The following CHRNA5 variants were observed in gnomAD, a reference collection of about 807,000 sequenced individuals.
CHRNA5 encodes neuronal acetylcholine receptor subunit alpha-5.
Under a neutral mutation model 41.2 loss-of-function variants are expected in CHRNA5, and 28 were observed. The observed-to-expected ratio is 0.68, with a 90% CI of 0.50 to 0.93. The LOEUF is 0.93. CHRNA5 is among the 40% of genes least tolerant of loss of function. The pLI is 0.00. For synonymous variants in CHRNA5, 188 were observed against 205.8 expected, an observed-to-expected ratio of 0.91 and a Z score of 0.74; for missense variants, 481 against 581.9, an observed-to-expected ratio of 0.83 and a Z score of 1.78.
At chr15:78,587,757 C>T (rs960099791) in intron 3 of CHRNA5, among the ~76,000 whole-genome samples, 7 of 152,028 alleles carry the variant, frequency 4.6e-5, no homozygotes, top group Non-Finnish European at 1.0e-4. Context: ...TGAGCGCTTC[C>T]TTTTGTTTTT....
chr15:78,590,507 G>A (rs781009027), exon 5 of CHRNA5: 1 of 1,614,152 alleles, frequency 6.2e-7, no homozygotes, highest in Non-Finnish European at 8.5e-7. Context: ...ATGTAGACAG[G>A]TACTTCACTC....
intron 5 of CHRNA5, among the ~76,000 whole-genome samples, chr15:78,592,576 A>G (rs2053028440): frequency 6.6e-6 from 1 of 152,134 alleles, no homozygotes. Flanking sequence ...TCCAGGGAAG[A>G]CTGTTCTGTG....
chr15:78,573,524 G>A (rs1423573358), intron 1 of CHRNA5, among the ~76,000 whole-genome samples: 1 of 152,210 alleles, frequency 6.6e-6, no homozygotes, highest in African/African-American at 2.4e-5. Flanking sequence ...GGCATTTGTT[G>A]AATTAACGAA....
At chr15:78,567,145 C>A (rs1382052329) in intron 1 of CHRNA5, among the ~76,000 whole-genome samples, 1 of 151,066 alleles carries the variant, frequency 6.6e-6, no homozygotes, top group Admixed American at 6.6e-5. Flanking sequence ...CCCAGCTACT[C>A]GGGAGGCTGA....
chr15:78,565,740 G>T, exon 1 of CHRNA5: 3 of 1,193,224 alleles, frequency 2.5e-6, no homozygotes, highest in South Asian at 4.2e-5. Flanking sequence ...GGGGGTCAGG[G>T]CCCCGCGCGC....
chr15:78,584,273 T>G (rs1329129386), intron 2 of CHRNA5, among the ~76,000 whole-genome samples: 1 of 152,244 alleles, frequency 6.6e-6, no homozygotes, highest in Non-Finnish European at 1.5e-5. Flanking sequence ...TGTCTTTTTT[T>G]TGTTTTTAAA....
At chr15:78,584,614 G>A (rs115136622) in intron 2 of CHRNA5, among the ~76,000 whole-genome samples, 1,658 of 152,310 alleles carry the variant, frequency 0.011, 45 homozygotes, top group African/African-American at 0.037. Context: ...ATTGTTGAAA[G>A]TGCTAAGTAT....
rs560552949 is a variant in CHRNA5 at position 78,567,089 on chromosome 15, A to G, written c.106+1264A>G. Among the ~76,000 whole-genome samples the G allele has an allele frequency of 3.9e-5, 6 of 151,998 alleles. No individual in the cohort carries two copies. In the South Asian group the frequency reaches 8.3e-4, roughly 21 times the overall value. The stretch of plus-strand genomic sequence containing the variant: ...AACACAGTGAAACCCCGTCTCTACT[A>G]AAAATACAAAAAAATTAGCCGGGCG... On this transcript the variant is annotated intron_variant, in intron 1 of 5. Transcript: ENST00000299565.
chr15:78,574,401 C>A, intron 1 of CHRNA5, among the ~76,000 whole-genome samples: 1 of 149,366 alleles, frequency 6.7e-6, no homozygotes. Context: ...AAAAAAAATC[C>A]TCAGGTATCT....
chr15:78,576,084 G>T (rs542036061), intron 1 of CHRNA5, among the ~76,000 whole-genome samples: 1 of 152,138 alleles, frequency 6.6e-6, no homozygotes, highest in Non-Finnish European at 1.5e-5. Flanking sequence ...TCTCTGGGTT[G>T]TATATCCTTT....
intron 2 of CHRNA5, among the ~76,000 whole-genome samples, chr15:78,581,472 C>G (rs976843729): frequency 2.6e-5 from 4 of 152,180 alleles, no homozygotes; most frequent in Admixed American, 1.3e-4. Context: ...GAGATCCTAT[C>G]TATTTAAACT....
chr15:78,573,963 ATTTTTTT>A (rs979485573), intron 1 of CHRNA5, among the ~76,000 whole-genome samples: 49 of 102,068 alleles, frequency 4.8e-4, no homozygotes, highest in Middle Eastern at 6.4e-3. Context: ...CGCCTGGCTA[ATTTTTTT>A]TTTTTTTTTT....
At chr15:78,594,477 G>C (rs998815470) in exon 6 of CHRNA5, 1 of 152,178 alleles carries the variant, frequency 6.6e-6, no homozygotes, top group Non-Finnish European at 1.5e-5. Flanking sequence ...AGGAGTTCGA[G>C]ACTAGCCTGA....
intron 1 of CHRNA5, among the ~76,000 whole-genome samples, chr15:78,567,663 C>G (rs2141393540): frequency 6.6e-6 from 1 of 152,302 alleles, no homozygotes; most frequent in African/African-American, 2.4e-5. Flanking sequence ...TCGCCAACAC[C>G]TGCCTTAATG....
intron 2 of CHRNA5, among the ~76,000 whole-genome samples, chr15:78,586,380 T>C (rs1317026381): frequency 6.6e-6 from 1 of 152,186 alleles, no homozygotes; most frequent in Non-Finnish European, 1.5e-5. Flanking sequence ...TGAGGAAATA[T>C]AGTAGTTGAG....
chr15:78,574,380 CAAAAA>C (rs61655864), intron 1 of CHRNA5, among the ~76,000 whole-genome samples: 2 of 123,282 alleles, frequency 1.6e-5, no homozygotes, highest in Non-Finnish European at 1.7e-5. Flanking sequence ...AACGCTGTCT[CAAAAA>C]AAAAAAAAAA....
At chr15:78,585,787 C>CT (rs1315604579) in intron 2 of CHRNA5, among the ~76,000 whole-genome samples, 6 of 62,550 alleles carry the variant, frequency 9.6e-5, no homozygotes, top group Non-Finnish European at 1.2e-4. Flanking sequence ...CTTTTCTTTT[C>CT]TTTCTTTTTT....
chr15:78,585,777 C>CT (rs1454473193), intron 2 of CHRNA5, among the ~76,000 whole-genome samples: 3 of 98,790 alleles, frequency 3.0e-5, no homozygotes, highest in South Asian at 3.6e-4. Flanking sequence ...TTTTCTTTTT[C>CT]TTTTCTTTTC....
chr15:78,590,626 A>G (rs202178144), exon 5 of CHRNA5: 32 of 1,610,916 alleles, frequency 2.0e-5, no homozygotes, highest in Admixed American at 1.7e-5. Context: ...AAGGAAAATG[A>G]TGTCCGTGAG....
Sources: gnomAD v4.1 joint callset for allele counts (sites outside exome capture counted in the v4.1 genomes callset) on GRCh38, gnomAD v4.1.1 for gene constraint, MANE v1.5 for transcripts, NCBI Gene and HGNC (gene_info 2026-07-23, HGNC 2026-07-21) for gene names.